The following MINAR1 variants were observed in gnomAD, a reference collection of about 807,000 sequenced individuals.
The protein encoded by MINAR1 is major intrinsically disordered Notch2-binding receptor 1.
In MINAR1, 40 loss-of-function variants were observed where a neutral mutation model predicts 65.1. That is an observed-to-expected ratio of 0.61 (90% CI 0.48 to 0.80). MINAR1 has a LOEUF of 0.80. Ranked by LOEUF, MINAR1 falls within the 30% of genes least tolerant of loss-of-function variation. The pLI, the probability that MINAR1 is intolerant of heterozygous loss-of-function variation, is 0.00. For missense variants in MINAR1, 1,128 were observed against 1,148.0 expected (o/e 0.98, Z 0.25); for synonymous variants, 482 against 449.1 (o/e 1.07, Z -0.93).
At chr15:79,464,193 G>T (rs1895756113) in intron 3 of MINAR1, among the ~76,000 whole-genome samples, 1 of 152,188 alleles carries the variant, frequency 6.6e-6, no homozygotes, top group Admixed American at 6.5e-5. Flanking sequence ...CTTTCGCTGT[G>T]TGACCTGAAG....
In MINAR1 at chr15:79,470,455, C is replaced by G. The variant is rs1896038709; in HGVS notation, c.*2071C>G. The G allele has an allele frequency of 6.7e-6, 1 of 149,174 alleles. No homozygotes were observed. Among genetic ancestry groups the G allele is most frequent in the Non-Finnish European group, 1.5e-5 (1 of 68,016 alleles). 9.2% of individuals were successfully genotyped at this position (149,174 alleles called of 1,614,324 possible). On this transcript the variant is annotated 3_prime_UTR_variant, in exon 4 of 4. Coordinates refer to ENST00000305428, the MANE Select transcript of MINAR1 (RefSeq NM_015206.3). ...GCAGAAGAGGGGGAGATGTACTTAC[C>G]CAGGATAAGAAAAATCTAGTCAAAT...
the MINAR1 span, chr15:79,423,204 AT>A: frequency 2.0e-5 from 3 of 151,218 alleles, no homozygotes; most frequent in Non-Finnish European, 2.9e-5. Flanking sequence ...TAATTAAAAA[AT>A]AATAAGGCAG....
At chr15:79,468,114 G>A (rs1895939983) in intron 3 of MINAR1, 73 bp from the exon 4 acceptor site, 9 of 1,235,586 alleles carry the variant, frequency 7.3e-6, no homozygotes, top group Non-Finnish European at 1.0e-5. Context: ...CTTCAGGAGT[G>A]ATGACTGTCG....
At chr15:79,446,814 G>C (rs928573876) in intron 1 of MINAR1, among the ~76,000 whole-genome samples, 1 of 152,056 alleles carries the variant, frequency 6.6e-6, no homozygotes, top group African/African-American at 2.4e-5. Flanking sequence ...ATTCCAAATA[G>C]ATATTTGCTG....
chr15:79,427,168 A>G, the MINAR1 span: 2 of 152,238 alleles, frequency 1.3e-5, no homozygotes. Context: ...ATGTGGGAAC[A>G]GAAAACCAAA....
rs1321806196 is a variant in MINAR1 at position 79,456,460 on chromosome 15, C to A, written c.313C>A (p.Leu105Met). The change falls in exon 2 of 4, where the codon CTG becomes ATG. Residue 105 changes from leucine to methionine, a missense_variant. Transcript: ENST00000305428. ...QMNGGAAKEK[L>M]PTGRQKVRKK... ...GAATGGCGGGGCTGCCAAGGAGAAGCTGCCCACGGGCCGCCAGAAGGTACG... is the reference window on the plus strand; with the variant it reads ...GAATGGCGGGGCTGCCAAGGAGAAGATGCCCACGGGCCGCCAGAAGGTACG... 1.2e-6 allele frequency: 2 copies of A among 1,614,170 alleles called. No homozygotes were observed. The highest frequency in any genetic ancestry group is 1.7e-6 in the Non-Finnish European group (2 of 1,180,048).
intron 1 of MINAR1, among the ~76,000 whole-genome samples, chr15:79,450,582 T>C (rs1253342445): frequency 1.3e-5 from 2 of 152,054 alleles, no homozygotes; most frequent in African/African-American, 2.4e-5. Flanking sequence ...CAATTTGTTA[T>C]TCCCCTCTGA....
intron 1 of MINAR1, among the ~76,000 whole-genome samples, chr15:79,440,899 T>C (rs1894852486): frequency 6.6e-6 from 1 of 152,236 alleles, no homozygotes; most frequent in African/African-American, 2.4e-5. Flanking sequence ...CACTAGATTA[T>C]AAGCTCATGA....
At chr15:79,414,162 A>G in the MINAR1 span, 1 of 152,286 alleles carries the variant, frequency 6.6e-6, no homozygotes, top group Admixed American at 6.5e-5. Context: ...GATATTTGTT[A>G]TGTGCTGTGC....
At chr15:79,433,531 T>C (rs1055543629) in intron 1 of MINAR1, among the ~76,000 whole-genome samples, 1 of 152,150 alleles carries the variant, frequency 6.6e-6, no homozygotes, top group African/African-American at 2.4e-5. Flanking sequence ...GCCATGTGGT[T>C]GGGAGGTGGT....
Position 79,458,074 on chromosome 15 carries a change from C to G in MINAR1, c.1927C>G (p.Gln643Glu). The G allele has an allele frequency of 6.2e-7, 1 of 1,614,156 alleles. No individual in the cohort carries two copies. Among genetic ancestry groups the G allele is most frequent in the Non-Finnish European group, 8.5e-7 (1 of 1,180,048 alleles). ...KMQQPEKVSVQIDLNSLTSEG... is the reference protein window; with the variant it reads ...KMQQPEKVSVEIDLNSLTSEG... The stretch of plus-strand genomic sequence containing the variant: ...GCAACAGCCTGAGAAGGTGAGTGTG[C>G]AGATAGATCTGAACTCCTTGACAAG... The change falls in exon 2 of 4, where the codon CAG (glutamine) becomes GAG (glutamate). Residue 643 changes from glutamine to glutamate, a missense_variant. By Grantham distance (29) the Gln-to-Glu change is conservative (BLOSUM62 2). Transcript: ENST00000305428.
chr15:79,452,009 G>T (rs1485472957), intron 1 of MINAR1, among the ~76,000 whole-genome samples: 1 of 151,984 alleles, frequency 6.6e-6, no homozygotes, highest in Non-Finnish European at 1.5e-5. Context: ...TGTGGAGATT[G>T]TGAGTGAGCC....
intron 1 of MINAR1, among the ~76,000 whole-genome samples, chr15:79,442,041 G>A (rs1894883414): frequency 7.3e-6 from 1 of 137,510 alleles, no homozygotes; most frequent in South Asian, 2.5e-4. Flanking sequence ...TTTTTTCAAG[G>A]TTTTTTTACT....
rs896478194 is a variant in MINAR1 at position 79,432,378 on chromosome 15, C to T, written c.-213C>T. ...GCGGAGGCGAAAGTCGCTCCATCCGCGGGGTGCAACCCTGGGCGCGGAATC... is the reference window on the plus strand; with the variant it reads ...GCGGAGGCGAAAGTCGCTCCATCCGTGGGGTGCAACCCTGGGCGCGGAATC... On this transcript the variant is annotated 5_prime_UTR_variant, in exon 1 of 4. Coordinates refer to ENST00000305428, the MANE Select transcript of MINAR1 (RefSeq NM_015206.3). The T allele has an allele frequency of 2.6e-4, 40 of 152,214 alleles. No individual in the cohort carries two copies. Among genetic ancestry groups the T allele is most frequent in the African/African-American group, 7.7e-4 (32 of 41,434 alleles). 9.4% of individuals were successfully genotyped at this position (152,214 alleles called of 1,614,324 possible). A position where few individuals can be genotyped will look rare whatever the true frequency, so the allele number is the denominator to read the frequency against.
chr15:79,449,669 C>A (rs4779085), intron 1 of MINAR1, among the ~76,000 whole-genome samples: 26,700 of 152,168 alleles, frequency 0.18, 2,737 homozygotes, highest in South Asian at 0.32. Context: ...TACCCTAGAC[C>A]AGTTAAATCA....
chr15:79,437,712 GT>G (rs1268971954), intron 1 of MINAR1, among the ~76,000 whole-genome samples: 17 of 63,318 alleles, frequency 2.7e-4, no homozygotes, highest in Non-Finnish European at 3.6e-4. Context: ...GGGTGTGGGT[GT>G]GGGTGGGTAG....
At chr15:79,446,625 G>T (rs527482874) in intron 1 of MINAR1, among the ~76,000 whole-genome samples, 1 of 151,374 alleles carries the variant, frequency 6.6e-6, no homozygotes, top group Non-Finnish European at 1.5e-5. Context: ...TTCATTTCTG[G>T]TATTCTTTAG....
chr15:79,435,641 T>C (rs57188379), intron 1 of MINAR1, among the ~76,000 whole-genome samples: 12,935 of 152,210 alleles, frequency 0.085, 1,542 homozygotes, highest in African/African-American at 0.26. Flanking sequence ...TGAATGCTTA[T>C]TGAATGGATT....
intron 1 of MINAR1, among the ~76,000 whole-genome samples, chr15:79,454,843 C>T (rs1567056567): frequency 6.6e-6 from 1 of 152,224 alleles, no homozygotes; most frequent in Non-Finnish European, 1.5e-5. Flanking sequence ...TCGGTTTCTA[C>T]ACAGGCATAC....
Sources: allele counts gnomAD v4.1 joint callset (sites outside exome capture counted in the v4.1 genomes callset), GRCh38; gene constraint gnomAD v4.1.1; transcripts MANE v1.5; gene names NCBI Gene and HGNC (gene_info 2026-07-23, HGNC 2026-07-21).